MRPS23: variants seen among roughly 807,000 people sequenced by gnomAD.
The protein encoded by MRPS23 is mitochondrial ribosomal protein S23.
In MRPS23, 14 loss-of-function variants were observed where a neutral mutation model predicts 19.8. That is an observed-to-expected ratio of 0.71 (90% CI 0.47 to 1.11). MRPS23 has a LOEUF of 1.11. Among genes scored for constraint, MRPS23 ranks in the 50% least tolerant of loss-of-function variants. The probability of loss-of-function intolerance (pLI) is 0.00; values close to 1 mark genes in which losing one functional copy is unlikely to be tolerated. For synonymous variants in MRPS23, 113 were observed against 89.7 expected (o/e 1.26, Z -1.47); for missense variants, 242 against 236.7 (o/e 1.02, Z -0.15).
At chr17:57,845,054 C>T (rs1309313475) in intron 2 of MRPS23, among the ~76,000 whole-genome samples, 2 of 152,010 alleles carry the variant, frequency 1.3e-5, no homozygotes, top group East Asian at 1.9e-4. Context: ...CATGCCACCA[C>T]GCCCAGCTGA....
At chr17:57,842,882 ATAT>A (rs1568015669) in intron 2 of MRPS23, among the ~76,000 whole-genome samples, 8 of 38,174 alleles carry the variant, frequency 2.1e-4, no homozygotes, top group Admixed American at 3.0e-4. Flanking sequence ...AAAAAAAAAT[ATAT>A]ATATATACAC....
chr17:57,849,346 CG>C lies in MRPS23; in HGVS notation c.108del (p.Asp36GlufsTer6). 6.2e-7 allele frequency: 1 copy of C among 1,614,188 alleles called. No homozygotes were observed. The highest frequency in any genetic ancestry group is 8.5e-7 in the Non-Finnish European group (1 of 1,180,038). On this transcript the variant is annotated frameshift_variant, in exon 2 of 5. Transcript: ENST00000313608. LOFTEE classifies it high-confidence loss of function. ...ACGGGCTCCCTCAGCGGGGGAAAGG[CG>C]TCATATACGTCAAACCACAGGGGCT... is the stretch of plus-strand genomic sequence containing the variant. ...KEKPLWFDVYDAFPPLREPVF... is the reference protein window; with the variant it reads ...KEKPLWFDVYXAFPPLREPVF...
intron 2 of MRPS23, among the ~76,000 whole-genome samples, chr17:57,847,395 G>A (rs893332145): frequency 2.0e-5 from 3 of 151,928 alleles, no homozygotes; most frequent in Non-Finnish European, 4.4e-5. Context: ...GGGCGCGGTG[G>A]CTCACGCCTG....
chr17:57,842,891 T>TACACACACACAC (rs35501487), intron 2 of MRPS23, among the ~76,000 whole-genome samples: 7 of 76,606 alleles, frequency 9.1e-5, no homozygotes, highest in Admixed American at 1.8e-4. Flanking sequence ...TATATATATA[T>TACACACACACAC]ACACACACAC....
Position 57,835,273 on chromosome 17 carries a change from T to C in MRPS23, c.*4510A>G, listed in dbSNP as rs1027907874. Reference sequence around the variant, plus strand: ...CACCTTCAACTTAGTAGGTTGAGAATTGAAGCTCTCTCCCAGGAGAGCACC... The same window carrying C: ...CACCTTCAACTTAGTAGGTTGAGAACTGAAGCTCTCTCCCAGGAGAGCACC... On this transcript the variant is annotated 3_prime_UTR_variant, in exon 5 of 5. Coordinates refer to ENST00000313608, the MANE Select transcript of MRPS23 (RefSeq NM_016070.4). 1.3e-5 allele frequency: 2 copies of C among 152,190 alleles called. No individual in the cohort carries two copies. Among genetic ancestry groups the C allele is most frequent in the Admixed American group, 6.6e-5 (1 of 15,250 alleles). 9.4% of individuals were successfully genotyped at this position (152,190 alleles called of 1,614,324 possible). A position where few individuals can be genotyped will look rare whatever the true frequency, so the allele number is the denominator to read the frequency against.
chr17:57,846,466 G>A (rs1184484845), intron 2 of MRPS23, among the ~76,000 whole-genome samples: 4 of 152,280 alleles, frequency 2.6e-5, no homozygotes, highest in African/African-American at 9.6e-5. Context: ...GGGTTTTGTC[G>A]AATAGAAAAG....
intron 2 of MRPS23, chr17:57,848,936 A>C: frequency 1.6e-5 from 4 of 251,852 alleles, no homozygotes; most frequent in East Asian, 8.0e-5. Flanking sequence ...AAGTTAGAGT[A>C]AGGCCTTTAG....
intron 2 of MRPS23, among the ~76,000 whole-genome samples, chr17:57,842,891 T>TACACACACACACACACACACAC (rs35501487): frequency 3.9e-5 from 3 of 76,572 alleles, no homozygotes; most frequent in African/African-American, 1.5e-4. Flanking sequence ...TATATATATA[T>TACACACACACACACACACACAC]ACACACACAC....
rs2073695864 is a variant in MRPS23, at chr17:57,834,925, A to G, written c.*4858T>C. 1 of 152,224 alleles carries G rather than the reference A, an allele frequency of 6.6e-6. No individual in the cohort carries two copies. The highest frequency in any genetic ancestry group is 1.5e-5 in the Non-Finnish European group (1 of 68,046). 9.4% of individuals were successfully genotyped at this position (152,224 alleles called of 1,614,324 possible). A position where few individuals can be genotyped will look rare whatever the true frequency, so the allele number is the denominator to read the frequency against. On this transcript the variant is annotated 3_prime_UTR_variant, in exon 5 of 5. Coordinates refer to ENST00000313608, the MANE Select transcript of MRPS23 (RefSeq NM_016070.4). ...CAAAGTGTTCTACAAAACTACAAGA[A>G]GAATCAGGCTAGCCTTTTAAGGACA...
At chr17:57,849,830 G>A (rs997053437) in intron 1 of MRPS23, 137 bp downstream of exon 1, 5 of 998,434 alleles carry the variant, frequency 5.0e-6, no homozygotes, top group Non-Finnish European at 7.2e-6. Context: ...AAACATGAGA[G>A]GGCCTCACCC....
At chr17:57,849,179 A>ACCGAAACCTTC in intron 2 of MRPS23, 61 bp downstream of exon 2, 1 of 1,575,244 alleles carries the variant, frequency 6.3e-7, no homozygotes, top group Non-Finnish European at 8.7e-7. Flanking sequence ...CCAGACTGCT[A>ACCGAAACCTTC]CCGAAACCTT....
chr17:57,837,196 G>A lies in MRPS23; in HGVS notation c.*2587C>T, dbSNP rs1469409470. 1 of 152,210 alleles carries A rather than the reference G, an allele frequency of 6.6e-6. No individual in the cohort carries two copies. The highest frequency in any genetic ancestry group is 2.4e-5 in the African/African-American group (1 of 41,456). 9.4% of individuals were successfully genotyped at this position (152,210 alleles called of 1,614,324 possible). On this transcript the variant is annotated 3_prime_UTR_variant, in exon 5 of 5. Transcript: ENST00000313608. Reference sequence around the variant, plus strand: ...TCCCCATCCAGATATTTGCTATACAGGGATGGTCTTTCCCTTCTGGTCCAG... The same window carrying A: ...TCCCCATCCAGATATTTGCTATACAAGGATGGTCTTTCCCTTCTGGTCCAG...
intron 1 of MRPS23, among the ~76,000 whole-genome samples, 171 bp from the exon 2 acceptor site, chr17:57,849,581 T>G (rs1555653918): frequency 6.6e-6 from 1 of 152,138 alleles, no homozygotes; most frequent in Non-Finnish European, 1.5e-5. Context: ...AAACCAAACT[T>G]AACAACGCTC....
Position 57,841,177 on chromosome 17 carries a change from G to A in MRPS23, c.293+6C>T. 6.2e-7 allele frequency: 1 copy of A among 1,614,036 alleles called. No individual in the cohort carries two copies. The highest frequency in any genetic ancestry group is 8.5e-7 in the Non-Finnish European group (1 of 1,179,938). Reference sequence around the variant, plus strand: ...TGAATAGCCTAGGACTTATAAAATGGCTTACCGTTGACAGGTAGACTTGAA... The same window carrying A: ...TGAATAGCCTAGGACTTATAAAATGACTTACCGTTGACAGGTAGACTTGAA... On this transcript the variant is annotated splice_donor_region_variant and intron_variant, in intron 3 of 4. Transcript: ENST00000313608.
intron 2 of MRPS23, among the ~76,000 whole-genome samples, chr17:57,843,754 T>C (rs1377323341): frequency 6.6e-6 from 1 of 152,150 alleles, no homozygotes; most frequent in Non-Finnish European, 1.5e-5. Flanking sequence ...GAGAAAGAAA[T>C]TTCATTTGTT....
At chr17:57,841,851 G>A (rs1406495830) in intron 2 of MRPS23, among the ~76,000 whole-genome samples, 7 of 152,176 alleles carry the variant, frequency 4.6e-5, no homozygotes, top group Non-Finnish European at 1.0e-4. Context: ...GGAGGGTTAG[G>A]TGGGAGAATC....
At chr17:57,842,568 T>TA (rs2073745651) in intron 2 of MRPS23, among the ~76,000 whole-genome samples, 2 of 152,192 alleles carry the variant, frequency 1.3e-5, no homozygotes, top group Non-Finnish European at 2.9e-5. Flanking sequence ...ACTACGTAAA[T>TA]AAGTCTGTGG....
rs146168343 is a variant in MRPS23, at chr17:57,835,661, C to G, written c.*4122G>C. Reference sequence around the variant, plus strand: ...CCACACATTACAAATGAGCTTTGCACTCATCTCAATTAATCCTCACAAAGC... The same window carrying G: ...CCACACATTACAAATGAGCTTTGCAGTCATCTCAATTAATCCTCACAAAGC... On this transcript the variant is annotated 3_prime_UTR_variant, in exon 5 of 5. Coordinates refer to ENST00000313608, the MANE Select transcript of MRPS23 (RefSeq NM_016070.4). 2.0e-5 allele frequency: 3 copies of G among 152,316 alleles called. No homozygotes were observed. The highest frequency in any genetic ancestry group is 7.2e-5 in the African/African-American group (3 of 41,552). 9.4% of individuals were successfully genotyped at this position (152,316 alleles called of 1,614,324 possible). A position where few individuals can be genotyped will look rare whatever the true frequency, so the allele number is the denominator to read the frequency against.
rs1373069 is a variant in MRPS23, at chr17:57,835,634, A to T, written c.*4149T>A. 149,420 of 152,354 alleles carry T rather than the reference A, an allele frequency of 0.98. 73,332 individuals carry two copies. Among genetic ancestry groups the T allele is most frequent in the East Asian group, 1 (5,186 of 5,186 alleles). 9.4% of individuals were successfully genotyped at this position (152,354 alleles called of 1,614,324 possible). A position where few individuals can be genotyped will look rare whatever the true frequency, so the allele number is the denominator to read the frequency against. ...TGCTCAAAATAGTAATAAAACCACC[A>T]GCCACACATTACAAATGAGCTTTGC... On this transcript the variant is annotated 3_prime_UTR_variant, in exon 5 of 5. Coordinates refer to ENST00000313608, the MANE Select transcript of MRPS23 (RefSeq NM_016070.4).
Sources: allele counts gnomAD v4.1 joint callset (sites outside exome capture counted in the v4.1 genomes callset), GRCh38; gene constraint gnomAD v4.1.1; transcripts MANE v1.5; gene names NCBI Gene and HGNC (gene_info 2026-07-23, HGNC 2026-07-21).